The following SGCZ variants were observed in gnomAD, a reference collection of about 807,000 sequenced individuals.
SGCZ encodes the protein zeta-sarcoglycan.
SGCZ carries 40 observed loss-of-function variants against 41.3 expected under a neutral mutation model. That is an observed-to-expected ratio of 0.97 (90% CI 0.75 to 1.26). SGCZ has a LOEUF of 1.26. SGCZ is among the 50% of genes most tolerant of loss of function. The pLI is 0.00. For synonymous variants in SGCZ, 206 were observed against 137.5 expected, an observed-to-expected ratio of 1.50 and a Z score of -3.49; for missense variants, 552 against 369.8, an observed-to-expected ratio of 1.49 and a Z score of -4.04.
At chr8:15,173,589 T>C (rs1380456302) in intron 1 of SGCZ, among the ~76,000 whole-genome samples, 1 of 152,338 alleles carries the variant, frequency 6.6e-6, no homozygotes, top group South Asian at 2.1e-4. Flanking sequence ...GCTTTTAAGA[T>C]GCATTTTTAA....
chr8:14,927,091 A>T, intron 1 of SGCZ, among the ~76,000 whole-genome samples: 1 of 149,504 alleles, frequency 6.7e-6, no homozygotes, highest in Admixed American at 6.8e-5. Context: ...AAAGTATCAA[A>T]GTTCCTGATT....
chr8:14,108,235 C>A lies in SGCZ; in HGVS notation c.548G>T (p.Gly183Val), dbSNP rs1262312134. ...TIGAEKLKVT[G>V]TEGAVFGHSV... Reference sequence around the variant, plus strand: ...GTGCCCAAATACGGCTCCTTCAGTGCCTGGGGGTAGCATGAATATAGCAGT... The same window carrying A: ...GTGCCCAAATACGGCTCCTTCAGTGACTGGGGGTAGCATGAATATAGCAGT... Residue 183 changes from glycine to valine, a missense_variant and splice_region_variant, in exon 6 of 8, where the codon GGC (glycine) becomes GTC (valine). Gly to Val is a moderately radical substitution (Grantham distance 109, BLOSUM62 -3). Coordinates refer to ENST00000382080, the MANE Select transcript of SGCZ (RefSeq NM_139167.4). 6.2e-7 allele frequency: 1 copy of A among 1,614,008 alleles called. No homozygotes were observed. Among genetic ancestry groups the A allele is most frequent in the South Asian group, 1.1e-5 (1 of 91,078 alleles).
chr8:15,129,085 A>C (rs1807806825), intron 1 of SGCZ, among the ~76,000 whole-genome samples: 1 of 151,728 alleles, frequency 6.6e-6, no homozygotes, highest in Non-Finnish European at 1.5e-5. Flanking sequence ...CCCTTTCACC[A>C]CTCTTGTAAT....
intron 4 of SGCZ, among the ~76,000 whole-genome samples, chr8:14,188,836 TTG>T (rs72315620): frequency 0.46 from 62,665 of 135,092 alleles, 11,602 homozygotes; most frequent in South Asian, 0.57. Context: ...TTTTTTTTGT[TTG>T]TTTGTTTTTT....
chr8:14,118,094 T>C (rs1439588087), intron 5 of SGCZ, among the ~76,000 whole-genome samples: 2 of 152,082 alleles, frequency 1.3e-5, no homozygotes, highest in Non-Finnish European at 2.9e-5. Context: ...TCTAGGTATA[T>C]AACCAGTAAT....
intron 3 of SGCZ, among the ~76,000 whole-genome samples, chr8:14,305,240 A>C (rs1274245983): frequency 6.6e-6 from 1 of 152,204 alleles, no homozygotes; most frequent in African/African-American, 2.4e-5. Flanking sequence ...CAAAACATGA[A>C]TTCAAAAGGA....
At chr8:14,307,740 T>A (rs761165441) in intron 3 of SGCZ, among the ~76,000 whole-genome samples, 8 of 152,258 alleles carry the variant, frequency 5.3e-5, no homozygotes, top group East Asian at 1.9e-4. Context: ...TCATCTTTTT[T>A]AATATAAAGA....
At chr8:14,569,948 C>CTTT (rs34294327) in intron 1 of SGCZ, among the ~76,000 whole-genome samples, 1 of 143,084 alleles carries the variant, frequency 7.0e-6, no homozygotes, top group African/African-American at 2.6e-5. Context: ...GCACTGGAAT[C>CTTT]TTTTTTTTTT....
intron 2 of SGCZ, among the ~76,000 whole-genome samples, chr8:14,393,623 C>A (rs1210490606): frequency 6.6e-6 from 1 of 151,936 alleles, no homozygotes; most frequent in African/African-American, 2.4e-5. Context: ...CACTGAGAGA[C>A]CTTTTTCTCC....
intron 2 of SGCZ, among the ~76,000 whole-genome samples, chr8:14,473,323 G>T (rs1428424015): frequency 6.6e-6 from 1 of 152,034 alleles, no homozygotes; most frequent in Admixed American, 6.6e-5. Flanking sequence ...AATAAGAAAA[G>T]CTTTCTCCTC....
intron 1 of SGCZ, among the ~76,000 whole-genome samples, chr8:15,150,396 T>C (rs1462262457): frequency 1.3e-5 from 2 of 152,316 alleles, no homozygotes. Context: ...CCTCAGTTTC[T>C]CCATTGAAAA....
chr8:14,144,188 A>G (rs1248426663), intron 5 of SGCZ, among the ~76,000 whole-genome samples: 4 of 152,212 alleles, frequency 2.6e-5, no homozygotes, highest in African/African-American at 7.2e-5. Context: ...CATCCGTCCC[A>G]TAACCCTAGG....
chr8:14,767,890 G>C (rs1309009905), intron 1 of SGCZ, among the ~76,000 whole-genome samples: 5 of 152,082 alleles, frequency 3.3e-5, no homozygotes, highest in Non-Finnish European at 5.9e-5. Context: ...GTATTACATA[G>C]ACCCTTGGTT....
chr8:15,009,732 T>G (rs1008638251), intron 1 of SGCZ, among the ~76,000 whole-genome samples: 1 of 152,226 alleles, frequency 6.6e-6, no homozygotes, highest in East Asian at 1.9e-4. Context: ...TCCCTCACAC[T>G]CTTCATATCT....
chr8:14,156,709 G>C (rs1420809900), intron 5 of SGCZ, among the ~76,000 whole-genome samples: 17 of 151,724 alleles, frequency 1.1e-4, no homozygotes, highest in Admixed American at 1.1e-3. Flanking sequence ...CCTATTTAAA[G>C]TTTTTCTAAA....
intron 3 of SGCZ, among the ~76,000 whole-genome samples, chr8:14,262,435 A>C (rs7014940): frequency 2.0e-5 from 3 of 152,004 alleles, no homozygotes; most frequent in African/African-American, 7.2e-5. Flanking sequence ...GAATGAATAT[A>C]TAATTTTAAA....
chr8:15,067,047 T>G (rs1412460158), intron 1 of SGCZ, among the ~76,000 whole-genome samples: 3 of 152,248 alleles, frequency 2.0e-5, no homozygotes, highest in Non-Finnish European at 4.4e-5. Flanking sequence ...GAATACGCGG[T>G]CATACACATC....
intron 2 of SGCZ, among the ~76,000 whole-genome samples, chr8:14,427,476 C>T (rs990522335): frequency 3.3e-5 from 5 of 152,128 alleles, no homozygotes; most frequent in Admixed American, 6.5e-5. Flanking sequence ...ATCTTTCTCC[C>T]GGTATATTTT....
intron 3 of SGCZ, among the ~76,000 whole-genome samples, chr8:14,271,862 T>A (rs775199961): frequency 1.2e-4 from 18 of 152,194 alleles, no homozygotes; most frequent in Non-Finnish European, 2.5e-4. Flanking sequence ...CAGCTTTACA[T>A]CTCTCTTTAT....
Sources: allele counts gnomAD v4.1 joint callset (sites outside exome capture counted in the v4.1 genomes callset), GRCh38; gene constraint gnomAD v4.1.1; transcripts MANE v1.5; gene names NCBI Gene and HGNC (gene_info 2026-07-23, HGNC 2026-07-21).